The following TMEM132C variants were observed in gnomAD, a reference collection of about 807,000 sequenced individuals.
TMEM132C encodes the protein transmembrane protein 132C, also known as protein phosphatase 1, regulatory subunit 152.
TMEM132C carries 29 observed loss-of-function variants against 61.4 expected under a neutral mutation model. The observed-to-expected ratio is 0.47, with a 90% CI of 0.35 to 0.64. The LOEUF (loss-of-function observed/expected upper bound fraction) is 0.64. Ranked by LOEUF, TMEM132C falls within the 30% of genes least tolerant of loss-of-function variation. The probability of loss-of-function intolerance (pLI) is 0.00; values close to 1 mark genes in which losing one functional copy is unlikely to be tolerated. For missense variants in TMEM132C, 1,408 were observed against 1,476.9 expected, an observed-to-expected ratio of 0.95 and a Z score of 0.76; for synonymous variants, 656 against 633.1, an observed-to-expected ratio of 1.04 and a Z score of -0.54.
chr12:128,481,797 C>T (rs919608791), intron 2 of TMEM132C, among the ~76,000 whole-genome samples: 6 of 152,028 alleles, frequency 3.9e-5, no homozygotes, highest in Admixed American at 6.6e-5. Flanking sequence ...CCCTGGCTTC[C>T]CAGCTGCGGC....
rs1304461693 is a variant in TMEM132C at position 128,669,462 on chromosome 12, G to T, written c.1351G>T (p.Ala451Ser). 6.4e-7 allele frequency: 1 copy of T among 1,551,682 alleles called. No homozygotes were observed. Among genetic ancestry groups the T allele is most frequent in the East Asian group, 2.4e-5 (1 of 40,912 alleles). ...CGCCGTACTCACAGGAAAGACAGTT[G>T]CCATGCCTATCAAGGTGGTCTCTGT... is the stretch of plus-strand genomic sequence containing the variant. ...NTAVLTGKTV[A>S]MPIKVVSVEE... The change falls in exon 5 of 9, where the codon GCC becomes TCC. Residue 451 changes from alanine (A) to serine (S), a missense_variant. Coordinates refer to ENST00000435159, the MANE Select transcript of TMEM132C (RefSeq NM_001136103.3).
At chr12:128,511,876 G>A (rs1263403405) in intron 2 of TMEM132C, among the ~76,000 whole-genome samples, 2 of 152,128 alleles carry the variant, frequency 1.3e-5, no homozygotes, top group Non-Finnish European at 2.9e-5. Context: ...ACTCCTGCAG[G>A]CTCAGAGCTG....
chr12:128,340,549 A>G (rs1256566568), intron 1 of TMEM132C, among the ~76,000 whole-genome samples: 2 of 152,208 alleles, frequency 1.3e-5, no homozygotes, highest in Non-Finnish European at 2.9e-5. Flanking sequence ...GCATTAATAG[A>G]TTAGCCTAAT....
At chr12:128,698,958 A>AGAGAG (rs1386014277) in intron 8 of TMEM132C, among the ~76,000 whole-genome samples, 1 of 152,220 alleles carries the variant, frequency 6.6e-6, no homozygotes. Context: ...TGATGAGAAC[A>AGAGAG]GAGAGCAGTG....
At chr12:128,469,354 T>G (rs1297193935) in intron 2 of TMEM132C, among the ~76,000 whole-genome samples, 1 of 143,848 alleles carries the variant, frequency 7.0e-6, no homozygotes, top group Non-Finnish European at 1.5e-5. Context: ...TTTGACAGGA[T>G]CTCACTCTGT....
intron 2 of TMEM132C, among the ~76,000 whole-genome samples, chr12:128,498,043 CT>C (rs1872030099): frequency 6.6e-6 from 1 of 152,162 alleles, no homozygotes; most frequent in African/African-American, 2.4e-5. Flanking sequence ...CACAATCTTC[CT>C]CCATCCCCCT....
chr12:128,458,929 T>C (rs752184717), intron 2 of TMEM132C, among the ~76,000 whole-genome samples: 7 of 152,356 alleles, frequency 4.6e-5, no homozygotes, highest in Non-Finnish European at 7.3e-5. Context: ...TAGTTTTTCG[T>C]TGACATTAAG....
intron 2 of TMEM132C, among the ~76,000 whole-genome samples, chr12:128,479,526 A>G (rs1412849196): frequency 6.6e-6 from 1 of 152,218 alleles, no homozygotes; most frequent in African/African-American, 2.4e-5. Flanking sequence ...ACAAATTCAC[A>G]TTGCAGGGTC....
intron 4 of TMEM132C, among the ~76,000 whole-genome samples, chr12:128,635,918 A>T (rs1003454818): frequency 2.0e-5 from 3 of 152,192 alleles, no homozygotes; most frequent in Non-Finnish European, 2.9e-5. Flanking sequence ...AGTGCCACAC[A>T]TCCTGCATTC....
intron 2 of TMEM132C, among the ~76,000 whole-genome samples, chr12:128,479,596 G>A (rs780893019): frequency 4.6e-5 from 7 of 152,176 alleles, no homozygotes; most frequent in Non-Finnish European, 8.8e-5. Context: ...TATTTTGGCC[G>A]CGGCTGCCTT....
intron 2 of TMEM132C, among the ~76,000 whole-genome samples, chr12:128,525,018 G>T (rs558090619): frequency 6.6e-6 from 1 of 152,184 alleles, no homozygotes; most frequent in East Asian, 1.9e-4. Context: ...CCAGGATAAC[G>T]GATGAGGCAG....
chr12:128,468,797 TA>T (rs1565944966), intron 2 of TMEM132C, among the ~76,000 whole-genome samples: 1 of 152,154 alleles, frequency 6.6e-6, no homozygotes, highest in East Asian at 1.9e-4. Context: ...GAATATGTAT[TA>T]GAAAAAAAGA....
At chr12:128,338,843 C>T (rs1004991057) in intron 1 of TMEM132C, among the ~76,000 whole-genome samples, 16 of 150,868 alleles carry the variant, frequency 1.1e-4, no homozygotes, top group African/African-American at 3.7e-4. Flanking sequence ...AGTTGTTTCA[C>T]ATGATGTCAG....
intron 1 of TMEM132C, among the ~76,000 whole-genome samples, chr12:128,277,183 C>A (rs368263452): frequency 2.0e-5 from 3 of 152,098 alleles, no homozygotes; most frequent in African/African-American, 7.2e-5. Context: ...GCCAAAACTC[C>A]CAGCTTAAGC....
chr12:128,267,303 G>T lies in TMEM132C; in HGVS notation c.-100G>T. 1.3e-6 allele frequency: 1 copy of T among 758,330 alleles called. No individual in the cohort carries two copies. The allele number at this position is 758,330 out of a possible 1,614,324, so 47.0% of individuals were successfully genotyped here. Reference sequence around the variant, plus strand: ...AGACGCAGCGGGCCCGGCCGACCGGGCTGCGGGAGTGGCCCCGGGCATGGG... The same window carrying T: ...AGACGCAGCGGGCCCGGCCGACCGGTCTGCGGGAGTGGCCCCGGGCATGGG... On this transcript the variant is annotated 5_prime_UTR_variant, in exon 1 of 9. Coordinates refer to ENST00000435159, the MANE Select transcript of TMEM132C (RefSeq NM_001136103.3).
intron 2 of TMEM132C, among the ~76,000 whole-genome samples, chr12:128,520,351 C>T (rs944073982): frequency 2.0e-5 from 3 of 152,150 alleles, no homozygotes; most frequent in Non-Finnish European, 4.4e-5. Flanking sequence ...CCAGGACTAC[C>T]CAGGACAAAG....
chr12:128,454,852 G>T (rs1870291539), intron 2 of TMEM132C, among the ~76,000 whole-genome samples: 1 of 152,342 alleles, frequency 6.6e-6, no homozygotes, highest in African/African-American at 2.4e-5. Flanking sequence ...CACCTGCCCT[G>T]GTCCTGAGGA....
chr12:128,459,784 C>T (rs1870471147), intron 2 of TMEM132C, among the ~76,000 whole-genome samples: 1 of 146,266 alleles, frequency 6.8e-6, no homozygotes, highest in Admixed American at 7.2e-5. Context: ...ATTCGGGAGG[C>T]TGAGGCAGGG....
At chr12:128,602,801 C>G (rs1397976785) in intron 3 of TMEM132C, among the ~76,000 whole-genome samples, 1 of 152,240 alleles carries the variant, frequency 6.6e-6, no homozygotes, top group African/African-American at 2.4e-5. Flanking sequence ...GTGGCTTCCT[C>G]TGAGTTCCTC....
Sources: allele counts gnomAD v4.1 joint callset (sites outside exome capture counted in the v4.1 genomes callset), GRCh38; gene constraint gnomAD v4.1.1; transcripts MANE v1.5; gene names NCBI Gene and HGNC (gene_info 2026-07-23, HGNC 2026-07-21).